COPA: variants seen among roughly 807,000 people sequenced by gnomAD.
COPA encodes coat protein complex I subunit alpha, also known as coatomer subunit alpha.
COPA carries 10 observed loss-of-function variants against 158.7 expected under a neutral mutation model. The observed-to-expected ratio is 0.06, with a 90% CI of 0.04 to 0.11. COPA has a LOEUF of 0.11. Among genes scored for constraint, COPA ranks in the 10% least tolerant of loss-of-function variants. The pLI is 1.00. For synonymous variants in COPA, 462 were observed against 542.8 expected, an observed-to-expected ratio of 0.85 and a Z score of 2.07; for missense variants, 1,065 against 1,536.7, an observed-to-expected ratio of 0.69 and a Z score of 5.13.
At chr1:160,333,877 C>A (rs149749856) in intron 4 of COPA, among the ~76,000 whole-genome samples, 198 bp from the exon 5 acceptor site, 1 of 152,258 alleles carries the variant, frequency 6.6e-6, no homozygotes, top group Non-Finnish European at 1.5e-5. Context: ...GGCACTTTCA[C>A]CTATAAGACT....
chr1:160,334,351 A>C (rs931681007), intron 4 of COPA, among the ~76,000 whole-genome samples: 2 of 152,214 alleles, frequency 1.3e-5, no homozygotes, highest in African/African-American at 4.8e-5. Context: ...GTGAGCTGGT[A>C]AAATGAAAGA....
At position 160,325,536 on chromosome 1, in the gene COPA, T is replaced by C. The variant is rs769542723; in HGVS notation, c.606+7A>G. 3 of 1,610,936 alleles carry C rather than the reference T, an allele frequency of 1.9e-6. No homozygotes were observed. The Admixed American group carries it at 5.0e-5, about 27-fold the overall frequency. ...CATATTCAGCCCCTGGCTATAAAGA[T>C]AAGTACCTCTAGTACATGCTTCACC... On this transcript the variant is annotated splice_region_variant and intron_variant, in intron 7 of 32. Transcript: ENST00000241704.
chr1:160,307,518 G>A (rs1396626030), intron 13 of COPA, among the ~76,000 whole-genome samples: 4 of 152,242 alleles, frequency 2.6e-5, no homozygotes, highest in African/African-American at 7.2e-5. Context: ...CAGAAGGGCC[G>A]CCCATCTTGG....
In COPA at chr1:160,296,071, T is replaced by C; in HGVS notation, c.2342A>G (p.Glu781Gly). 1 of 1,614,066 alleles carries C rather than the reference T, an allele frequency of 6.2e-7. No individual in the cohort carries two copies. The highest frequency in any genetic ancestry group is 8.5e-7 in the Non-Finnish European group (1 of 1,179,926). ...TAAATAAAGACTCACTGTCTCCTTCTCTGGGTCAAATGTCTCCTTTAGGCT... is the reference window on the plus strand; with the variant it reads ...TAAATAAAGACTCACTGTCTCCTTCCCTGGGTCAAATGTCTCCTTTAGGCT... ...AESLKETFDPEKETIPDIDPN... is the reference protein window; with the variant it reads ...AESLKETFDPGKETIPDIDPN... The change falls in exon 22 of 33, where the codon GAG becomes GGG. Residue 781 changes from glutamate (E) to glycine (G), a missense_variant. This residue lies in a region of COPA where 980 missense variants were observed against 1,357.8 expected (regional missense o/e 0.72). Transcript: ENST00000241704.
chr1:160,307,321 T>G, intron 13 of COPA, 76 bp from the exon 14 acceptor site: 2 of 1,369,228 alleles, frequency 1.5e-6, no homozygotes, highest in Non-Finnish European at 2.1e-6. Context: ...GCCATGGAGC[T>G]GCCAGTCTTG....
At position 160,307,391 on chromosome 1, in the gene COPA, G is replaced by T. The variant is rs2101838853; in HGVS notation, c.1220-146C>A. ...TTCCTAACTAATTCAGCCATAACCT[G>T]GGGCTATTATTGAGTGACTTTTCCC... On this transcript the variant is annotated intron_variant, in intron 13 of 32. Coordinates refer to ENST00000241704, the MANE Select transcript of COPA (RefSeq NM_004371.4). 1.4e-5 allele frequency: 10 copies of T among 732,328 alleles called. No individual in the cohort carries two copies. The East Asian group carries it at 2.6e-4, about 19-fold the overall frequency. The allele number at this position is 732,328 out of a possible 1,614,324, so 45.4% of individuals were successfully genotyped here. A position where few individuals can be genotyped will look rare whatever the true frequency, so the allele number is the denominator to read the frequency against.
At chr1:160,317,668 G>A (rs1659191713) in intron 8 of COPA, 2 of 1,519,380 alleles carry the variant, frequency 1.3e-6, no homozygotes, top group East Asian at 2.3e-5. Context: ...TGTGATTGAA[G>A]TTTATCAGGA....
chr1:160,322,339 T>C (rs1443109956), intron 8 of COPA, among the ~76,000 whole-genome samples: 1 of 152,034 alleles, frequency 6.6e-6, no homozygotes, highest in Non-Finnish European at 1.5e-5. Context: ...TTAACAAAGG[T>C]GCCAAGAACA....
At chr1:160,311,351 T>C (rs1455014616) in intron 11 of COPA, among the ~76,000 whole-genome samples, 1 of 151,812 alleles carries the variant, frequency 6.6e-6, no homozygotes, top group African/African-American at 2.4e-5. Context: ...GGCAGGAGAA[T>C]TGCTTGAACC....
intron 3 of COPA, among the ~76,000 whole-genome samples, chr1:160,337,251 T>G (rs1050994217): frequency 6.6e-6 from 1 of 152,244 alleles, no homozygotes; most frequent in Non-Finnish European, 1.5e-5. Flanking sequence ...AGATGAATAC[T>G]CTGACCATTT....
At chr1:160,331,633 A>G (rs1640196141) in intron 6 of COPA, among the ~76,000 whole-genome samples, 1 of 139,490 alleles carries the variant, frequency 7.2e-6, no homozygotes, top group Non-Finnish European at 1.5e-5. Context: ...GGTGAGACAG[A>G]GTGAGACTCC....
intron 3 of COPA, among the ~76,000 whole-genome samples, chr1:160,337,023 A>C (rs1647797752): frequency 6.6e-6 from 1 of 152,232 alleles, no homozygotes; most frequent in Non-Finnish European, 1.5e-5. Context: ...CTTTGCCTCT[A>C]TCTATTCAAT....
At chr1:160,294,899 C>CA (rs768857734) in intron 23 of COPA, 42 bp from the exon 24 acceptor site, 2 of 1,575,806 alleles carry the variant, frequency 1.3e-6, no homozygotes, top group African/African-American at 2.7e-5. Context: ...TATAGTCCAG[C>CA]AAGTCTGAGA....
At chr1:160,306,113 A>G (rs1658778000) in intron 15 of COPA, among the ~76,000 whole-genome samples, 1 of 152,212 alleles carries the variant, frequency 6.6e-6, no homozygotes, top group Admixed American at 6.5e-5. Context: ...CTCGGAGAAC[A>G]CGCTTTGTTC....
At chr1:160,340,151 T>C in intron 2 of COPA, 30 bp downstream of exon 2, 1 of 1,533,788 alleles carries the variant, frequency 6.5e-7, no homozygotes, top group Non-Finnish European at 9.0e-7. Flanking sequence ...ATACTTATAC[T>C]CCTTTAACTT....
chr1:160,305,344 TCATGGAGGACTTCAGTTA>T, intron 17 of COPA, 71 bp downstream of exon 17: 1 of 1,358,276 alleles, frequency 7.4e-7, no homozygotes, highest in Non-Finnish European at 1.0e-6. Flanking sequence ...TGAAGAAAAT[TCATGGAGGACTTCAGTTA>T]CATCTCAAGA....
intron 25 of COPA, 60 bp from the exon 26 acceptor site, chr1:160,293,523 C>G: frequency 3.9e-6 from 5 of 1,269,786 alleles, no homozygotes; most frequent in South Asian, 1.4e-5. Flanking sequence ...GAGACAGGGT[C>G]ACACTCTGTC....
chr1:160,305,807 A>G (rs1199093913), intron 15 of COPA, 34 bp from the exon 16 acceptor site: 1 of 1,557,170 alleles, frequency 6.4e-7, no homozygotes, highest in South Asian at 1.1e-5. Flanking sequence ...ACATGAATGG[A>G]TCTATTTCCC....
intron 14 of COPA, 63 bp downstream of exon 14, chr1:160,307,085 AATGGTCTTTATTTTG>A: frequency 7.1e-7 from 1 of 1,399,224 alleles, no homozygotes; most frequent in South Asian, 1.2e-5. Context: ...CAGAAAAAAC[AATGGTCTTTATTTTG>A]CAATACACAG....
Sources: gnomAD v4.1 joint callset for allele counts (sites outside exome capture counted in the v4.1 genomes callset) on GRCh38, gnomAD v4.1.1 for gene constraint, gnomAD v4.1.1 regional missense constraint, MANE v1.5 for transcripts, NCBI Gene and HGNC (gene_info 2026-07-23, HGNC 2026-07-21) for gene names.